The following CSNK2A2 variants were observed in gnomAD, a reference collection of about 807,000 sequenced individuals.
The protein encoded by CSNK2A2 is casein kinase II subunit alpha'.
In CSNK2A2, 8 loss-of-function variants were observed where a neutral mutation model predicts 54.0. That is an observed-to-expected ratio of 0.15 (90% CI 0.09 to 0.27). The LOEUF is 0.27. Among genes scored for constraint, CSNK2A2 ranks in the 10% least tolerant of loss-of-function variants. CSNK2A2 has a pLI of 1.00. For synonymous variants in CSNK2A2, 141 were observed against 153.9 expected (o/e 0.92, Z 0.62); for missense variants, 242 against 439.4 (o/e 0.55, Z 4.02).
intron 5 of CSNK2A2, among the ~76,000 whole-genome samples, chr16:58,173,821 T>G (rs73549200): frequency 0.092 from 14,002 of 152,274 alleles, 1,763 homozygotes; most frequent in African/African-American, 0.29. Flanking sequence ...GAAGCTAGGC[T>G]TGGCCATGTG....
chr16:58,166,871 C>T (rs78812882), intron 8 of CSNK2A2, among the ~76,000 whole-genome samples, 187 bp from the exon 9 acceptor site: 2 of 152,284 alleles, frequency 1.3e-5, no homozygotes, highest in African/African-American at 2.4e-5. Flanking sequence ...AATTTCCAAA[C>T]GGCCTTTAAA....
chr16:58,181,897 AAAAAAC>A (rs1401378372), intron 4 of CSNK2A2, among the ~76,000 whole-genome samples: 1 of 152,160 alleles, frequency 6.6e-6, no homozygotes, highest in Non-Finnish European at 1.5e-5. Context: ...TTCCAGAGGT[AAAAAAC>A]AAAAACAAAA....
chr16:58,189,930 A>C (rs570341562), intron 2 of CSNK2A2, among the ~76,000 whole-genome samples: 2 of 152,300 alleles, frequency 1.3e-5, no homozygotes, highest in Non-Finnish European at 2.9e-5. Flanking sequence ...GATCCTTTTA[A>C]TGTGAATCAG....
Position 58,198,103 on chromosome 16 carries a change from AGAG to A in CSNK2A2, c.-370_-368del, listed in dbSNP as rs1962526761. On this transcript the variant is annotated 5_prime_UTR_variant, in exon 1 of 12. Coordinates refer to ENST00000262506, the MANE Select transcript of CSNK2A2 (RefSeq NM_001896.4). Reference sequence around the variant, plus strand: ...GCGGCGGCAGCGGAGAAGAAGGAGGAGAGGAGGAGGAGGCGGAGGAAACCCGGA... The same window carrying A: ...GCGGCGGCAGCGGAGAAGAAGGAGGAGAGGAGGAGGCGGAGGAAACCCGGA... Among the ~76,000 whole-genome samples, 1 of 145,648 alleles carries A rather than the reference AGAG, an allele frequency of 6.9e-6. No individual in the cohort carries two copies. Among genetic ancestry groups the A allele is most frequent in the Non-Finnish European group, 1.5e-5 (1 of 65,548 alleles).
intron 11 of CSNK2A2, chr16:58,158,958 TAGA>T (rs1191866380): frequency 3.9e-5 from 6 of 152,226 alleles, no homozygotes; most frequent in Admixed American, 6.5e-5. Flanking sequence ...AGTGGAATTC[TAGA>T]AGCAGTGCCT....
intron 8 of CSNK2A2, 86 bp downstream of exon 8, chr16:58,167,121 G>T: frequency 1.2e-6 from 1 of 803,314 alleles, no homozygotes; most frequent in East Asian, 2.7e-5. Flanking sequence ...GATACTTAGT[G>T]GCTCAAGGAT....
At chr16:58,166,132 T>C (rs777997809) in intron 9 of CSNK2A2, among the ~76,000 whole-genome samples, 14 of 152,212 alleles carry the variant, frequency 9.2e-5, no homozygotes, top group Non-Finnish European at 1.9e-4. Context: ...ATTATTGCAA[T>C]GTACCTGAAA....
intron 2 of CSNK2A2, among the ~76,000 whole-genome samples, chr16:58,188,576 AAAG>A (rs1200817679): frequency 6.6e-6 from 1 of 152,256 alleles, no homozygotes; most frequent in African/African-American, 2.4e-5. Context: ...CCTTTGCTAT[AAAG>A]AACATTATAA....
At chr16:58,181,427 A>G (rs1399522947) in intron 4 of CSNK2A2, among the ~76,000 whole-genome samples, 1 of 152,190 alleles carries the variant, frequency 6.6e-6, no homozygotes. Context: ...ACTTGAGGCT[A>G]AGATACCAGC....
Position 58,186,776 on chromosome 16 carries a change from A to G in CSNK2A2, c.297T>C (p.Ile99=). ...LRGGTNIIKL[I]DTVKDPVSKT... ...CTACCACGGGGTCCTTTACAGTGTC[A>G]ATCAGCTTAATGATATTTGTTCCAC... Residue 99 remains isoleucine (I), a synonymous_variant, in exon 3 of 12, where the codon ATT becomes ATC. Coordinates refer to ENST00000262506, the MANE Select transcript of CSNK2A2 (RefSeq NM_001896.4). The G allele has an allele frequency of 1.2e-6, 2 of 1,614,054 alleles. No homozygotes were observed. Among genetic ancestry groups the G allele is most frequent in the Non-Finnish European group, 8.5e-7 (1 of 1,179,930 alleles).
Position 58,197,548 on chromosome 16 carries a change from C to A in CSNK2A2, c.104+85G>T, listed in dbSNP as rs1184164780. 7 of 870,878 alleles carry A rather than the reference C, an allele frequency of 8.0e-6. No individual in the cohort carries two copies. The highest frequency in any genetic ancestry group is 2.8e-5 in the Admixed American group (1 of 35,562). The allele number at this position is 870,878 out of a possible 1,614,324, so 53.9% of individuals were successfully genotyped here. A position where few individuals can be genotyped will look rare whatever the true frequency, so the allele number is the denominator to read the frequency against. ...CCCGCGGAGGGGTCGGCGGGAGACA[C>A]CACCGGGCCCGAGTGCGGTTCGCAG... On this transcript the variant is annotated intron_variant, in intron 1 of 11. Coordinates refer to ENST00000262506, the MANE Select transcript of CSNK2A2 (RefSeq NM_001896.4). The surrounding 1 kb of genome is among the most constrained non-coding windows in gnomAD (Gnocchi z 4.0).
chr16:58,164,254 G>T, intron 10 of CSNK2A2, 107 bp from the exon 11 acceptor site: 1 of 951,462 alleles, frequency 1.1e-6, no homozygotes, highest in Non-Finnish European at 1.6e-6. Flanking sequence ...TGATGGGCAA[G>T]CCAGGGTCAG....
intron 2 of CSNK2A2, among the ~76,000 whole-genome samples, chr16:58,193,518 T>G (rs927513144): frequency 2.6e-5 from 4 of 152,218 alleles, no homozygotes; most frequent in Non-Finnish European, 4.4e-5. Flanking sequence ...TTTGCACTGG[T>G]TCAAAATGCT....
chr16:58,197,546 C>T lies in CSNK2A2; in HGVS notation c.104+87G>A. On this transcript the variant is annotated intron_variant, in intron 1 of 11. Coordinates refer to ENST00000262506, the MANE Select transcript of CSNK2A2 (RefSeq NM_001896.4). This position sits in a 1 kb window ranked among gnomAD's most constrained non-coding sequence, Gnocchi z 4.0. ...GGCCCGCGGAGGGGTCGGCGGGAGA[C>T]ACCACCGGGCCCGAGTGCGGTTCGC... The T allele has an allele frequency of 1.2e-6, 1 of 819,940 alleles. No homozygotes were observed. The highest frequency in any genetic ancestry group is 1.8e-6 in the Non-Finnish European group (1 of 552,448). The allele number at this position is 819,940 out of a possible 1,614,324, so 50.8% of individuals were successfully genotyped here.
chr16:58,178,456 T>C (rs1961937096), intron 4 of CSNK2A2, among the ~76,000 whole-genome samples: 1 of 152,078 alleles, frequency 6.6e-6, no homozygotes, highest in Non-Finnish European at 1.5e-5. Flanking sequence ...CGAATTTTTT[T>C]GTATTTTTAG....
chr16:58,161,570 C>CACAG (rs143503077), intron 11 of CSNK2A2: 14,273 of 150,022 alleles, frequency 0.095, 1,933 homozygotes, highest in African/African-American at 0.3. Context: ...CAGACACACA[C>CACAG]ACAGACACAC....
rs970805667 is a variant in CSNK2A2 at position 58,197,327 on chromosome 16, G to A, written c.104+306C>T. 1.8e-5 allele frequency: 6 copies of A among 338,564 alleles called. No homozygotes were observed. Among genetic ancestry groups the A allele is most frequent in the African/African-American group, 1.1e-4 (5 of 45,670 alleles). The allele number at this position is 338,564 out of a possible 1,614,324, so 21.0% of individuals were successfully genotyped here. On this transcript the variant is annotated intron_variant, in intron 1 of 11. Coordinates refer to ENST00000262506, the MANE Select transcript of CSNK2A2 (RefSeq NM_001896.4). This position sits in a 1 kb window ranked among gnomAD's most constrained non-coding sequence, Gnocchi z 4.0. ...GACTTCCCACCCCAGTGGAAACCCA[G>A]AAGTGTGAGGAAGGGCAGCTCCCTC...
At chr16:58,185,128 G>GA (rs1326059186) in intron 3 of CSNK2A2, among the ~76,000 whole-genome samples, 2 of 151,882 alleles carry the variant, frequency 1.3e-5, no homozygotes, top group African/African-American at 4.8e-5. Flanking sequence ...AAAATTGGGA[G>GA]AAAGTAGGGA....
At chr16:58,166,560 A>G (rs776154879) in intron 9 of CSNK2A2, 24 bp downstream of exon 9, 12 of 1,397,466 alleles carry the variant, frequency 8.6e-6, no homozygotes, top group East Asian at 4.7e-5. Context: ...AAGGTAAAGC[A>G]CTCTCTCTCT....
Sources: gnomAD v4.1 joint callset for allele counts (sites outside exome capture counted in the v4.1 genomes callset) on GRCh38, gnomAD v4.1.1 for gene constraint, Gnocchi (gnomAD v3.1) non-coding constraint, MANE v1.5 for transcripts, NCBI Gene and HGNC (gene_info 2026-07-23, HGNC 2026-07-21) for gene names.